NUP37: variants seen among roughly 807,000 people sequenced by gnomAD.
The protein encoded by NUP37 is nucleoporin Nup37.
Under a neutral mutation model 45.4 loss-of-function variants are expected in NUP37, and 33 were observed. That is an observed-to-expected ratio of 0.73 (90% CI 0.55 to 0.97). NUP37 has a LOEUF of 0.97. NUP37 is among the 50% of genes least tolerant of loss of function. NUP37 has a pLI of 0.00. For synonymous variants in NUP37, 127 were observed against 130.7 expected, an observed-to-expected ratio of 0.97 and a Z score of 0.19; for missense variants, 365 against 389.7, an observed-to-expected ratio of 0.94 and a Z score of 0.53.
At chr12:102,101,269 G>A (rs1879964367) in intron 3 of NUP37, among the ~76,000 whole-genome samples, 165 bp from the exon 4 acceptor site, 1 of 152,002 alleles carries the variant, frequency 6.6e-6, no homozygotes, top group Admixed American at 6.5e-5. Flanking sequence ...ACTGTAAAAA[G>A]TATTATACAG....
At chr12:102,096,635 T>G (rs1366304488) in intron 5 of NUP37, among the ~76,000 whole-genome samples, 4 of 152,184 alleles carry the variant, frequency 2.6e-5, no homozygotes, top group Admixed American at 1.3e-4. Flanking sequence ...ATACATATTG[T>G]AGAACTGCTC....
Position 102,118,594 on chromosome 12 carries a change from G to A in NUP37, c.-65-11C>T. The A allele has an allele frequency of 1.5e-6, 2 of 1,316,442 alleles. No homozygotes were observed. The highest frequency in any genetic ancestry group is 2.7e-5 in the South Asian group (2 of 72,730). 81.5% of individuals were successfully genotyped at this position (1,316,442 alleles called of 1,614,324 possible). ...GACAAGGTCACGAAACTGTGGATTA[G>A]AGCACAGGTACAATTACAATGGTCA... is the stretch of plus-strand genomic sequence containing the variant. On this transcript the variant is annotated splice_polypyrimidine_tract_variant and intron_variant, in intron 1 of 9. Coordinates refer to ENST00000552283, the MANE Select transcript of NUP37 (RefSeq NM_024057.4).
At position 102,112,351 on chromosome 12, in the gene NUP37, A is replaced by C. The variant is rs959309442; in HGVS notation, c.157-119T>G. 12 of 734,468 alleles carry C rather than the reference A, an allele frequency of 1.6e-5. No homozygotes were observed. In the African/African-American group the frequency reaches 1.8e-4, roughly 11 times the overall value. 45.5% of individuals were successfully genotyped at this position (734,468 alleles called of 1,614,324 possible). A position where few individuals can be genotyped will look rare whatever the true frequency, so the allele number is the denominator to read the frequency against. ...TTATGCTTTTGAAAAGTTCAAAAGC[A>C]AATTACATATTAAGATTTAACTAGT... On this transcript the variant is annotated intron_variant, in intron 2 of 9. Transcript: ENST00000552283.
intron 5 of NUP37, among the ~76,000 whole-genome samples, chr12:102,096,811 G>A (rs550994109): frequency 2.6e-5 from 4 of 151,974 alleles, no homozygotes; most frequent in African/African-American, 4.8e-5. Flanking sequence ...TTTTATATAC[G>A]TTCTGTTTTT....
At chr12:102,098,157 G>A (rs1374307687) in intron 5 of NUP37, among the ~76,000 whole-genome samples, 1 of 152,092 alleles carries the variant, frequency 6.6e-6, no homozygotes, top group Non-Finnish European at 1.5e-5. Flanking sequence ...CCCTTCCAAT[G>A]ACTGATGCAC....
intron 5 of NUP37, among the ~76,000 whole-genome samples, chr12:102,089,955 G>A (rs962476085): frequency 1.6e-4 from 24 of 151,870 alleles, no homozygotes; most frequent in South Asian, 2.1e-4. Flanking sequence ...ACCCACATAC[G>A]ATCACATACA....
chr12:102,105,874 A>AAG (rs1243974264), intron 3 of NUP37, among the ~76,000 whole-genome samples: 8 of 151,842 alleles, frequency 5.3e-5, no homozygotes, highest in Non-Finnish European at 1.2e-4. Flanking sequence ...AAAAAAAAAA[A>AAG]AAAAAAAGTG....
Position 102,111,398 on chromosome 12 carries a change from C to T in NUP37, c.281+710G>A, listed in dbSNP as rs577972634. On this transcript the variant is annotated intron_variant, in intron 3 of 9. Coordinates refer to ENST00000552283, the MANE Select transcript of NUP37 (RefSeq NM_024057.4). ...TACGTATTTGTCAAAACTGATCAAACTATACCCTTAAGAGCTGAGAATTTC... is the reference window on the plus strand; with the variant it reads ...TACGTATTTGTCAAAACTGATCAAATTATACCCTTAAGAGCTGAGAATTTC... 7.9e-5 allele frequency among the ~76,000 whole-genome samples: 12 copies of T among 152,244 alleles called. No homozygotes were observed. In the South Asian group the frequency reaches 2.3e-3, roughly 29 times the overall value.
intron 7 of NUP37, 136 bp downstream of exon 7, chr12:102,077,186 C>A: frequency 2.3e-6 from 2 of 859,752 alleles, no homozygotes; most frequent in South Asian, 1.5e-5. Flanking sequence ...AAATCCATAG[C>A]TCTGGCCTTC....
chr12:102,115,688 C>A (rs1407039449), intron 2 of NUP37: 1 of 287,044 alleles, frequency 3.5e-6, no homozygotes, highest in Non-Finnish European at 5.2e-6. Context: ...ACATGAGATT[C>A]TGAAAAATGC....
At chr12:102,081,675 A>G (rs1031800132) in intron 6 of NUP37, among the ~76,000 whole-genome samples, 2 of 152,138 alleles carry the variant, frequency 1.3e-5, no homozygotes, top group Non-Finnish European at 2.9e-5. Context: ...AATAGAAAGC[A>G]TTCAACAAAT....
At chr12:102,101,170 C>T (rs568318688) in intron 3 of NUP37, 66 bp from the exon 4 acceptor site, 2 of 762,046 alleles carry the variant, frequency 2.6e-6, no homozygotes, top group South Asian at 1.8e-5. Flanking sequence ...TCCCCCTCCC[C>T]CCCATCCTTC....
At chr12:102,100,219 A>T (rs562891379) in intron 4 of NUP37, among the ~76,000 whole-genome samples, 2 of 152,332 alleles carry the variant, frequency 1.3e-5, no homozygotes, top group African/African-American at 4.8e-5. Context: ...CAATCCATAC[A>T]GTACATTAAG....
chr12:102,085,580 T>C (rs115864739), intron 6 of NUP37, among the ~76,000 whole-genome samples, 186 bp downstream of exon 6: 2,116 of 152,282 alleles, frequency 0.014, 57 homozygotes, highest in African/African-American at 0.049. Flanking sequence ...GGCTGTCAAA[T>C]AAAAACCTTA....
chr12:102,107,602 C>T (rs1481754239), intron 3 of NUP37, among the ~76,000 whole-genome samples: 1 of 152,056 alleles, frequency 6.6e-6, no homozygotes, highest in Non-Finnish European at 1.5e-5. Flanking sequence ...ACATTCATAA[C>T]CCCAAACTGC....
At chr12:102,096,576 A>G (rs1374071395) in intron 5 of NUP37, among the ~76,000 whole-genome samples, 1 of 151,666 alleles carries the variant, frequency 6.6e-6, no homozygotes, top group East Asian at 1.9e-4. Context: ...TATTGAGGTT[A>G]TTTTAAATTT....
intron 8 of NUP37, among the ~76,000 whole-genome samples, chr12:102,075,321 G>T (rs1022408347): frequency 6.6e-6 from 1 of 152,034 alleles, no homozygotes; most frequent in Non-Finnish European, 1.5e-5. Flanking sequence ...GACTACAGGT[G>T]TGTACTACGA....
intron 3 of NUP37, among the ~76,000 whole-genome samples, chr12:102,111,800 A>G (rs1358052253): frequency 6.7e-6 from 1 of 149,698 alleles, no homozygotes; most frequent in Non-Finnish European, 1.5e-5. Context: ...ATTTTAAGTT[A>G]TACTTTCAAT....
At chr12:102,104,102 C>T (rs910006851) in intron 3 of NUP37, among the ~76,000 whole-genome samples, 5 of 152,190 alleles carry the variant, frequency 3.3e-5, no homozygotes, top group Admixed American at 1.3e-4. Flanking sequence ...AGAAAAGTTT[C>T]AATTTCTCCA....
Sources: gnomAD v4.1 joint callset for allele counts (sites outside exome capture counted in the v4.1 genomes callset) on GRCh38, gnomAD v4.1.1 for gene constraint, MANE v1.5 for transcripts, NCBI Gene and HGNC (gene_info 2026-07-23, HGNC 2026-07-21) for gene names.